Variants in UBE2E2 observed in about 807,000 individuals in gnomAD.
The protein encoded by UBE2E2 is ubiquitin-conjugating enzyme E2 E2.
A neutral mutation model predicts 24.7 loss-of-function variants in UBE2E2; 6 were observed. The ratio of observed to expected loss-of-function variants is 0.24; its 90% CI spans 0.13 to 0.48. The LOEUF (loss-of-function observed/expected upper bound fraction) is 0.48. Among genes scored for constraint, UBE2E2 ranks in the 20% least tolerant of loss-of-function variants. UBE2E2 has a pLI of 0.99. For missense variants in UBE2E2, 169 were observed against 245.0 expected (o/e 0.69, Z 2.07); for synonymous variants, 104 against 83.6 (o/e 1.24, Z -1.33).
chr3:23,348,750 C>T (rs751039041), intron 3 of UBE2E2, among the ~76,000 whole-genome samples: 1 of 152,108 alleles, frequency 6.6e-6, no homozygotes, highest in Non-Finnish European at 1.5e-5. Context: ...ATAGAACTTT[C>T]ACAAAGGCCA....
intron 3 of UBE2E2, among the ~76,000 whole-genome samples, chr3:23,255,637 T>C (rs1028596341): frequency 6.6e-6 from 1 of 152,214 alleles, no homozygotes; most frequent in Admixed American, 6.5e-5. Context: ...AAGTGATCAG[T>C]CTAAGCTCTC....
chr3:23,328,971 T>C (rs1362973582), intron 3 of UBE2E2, among the ~76,000 whole-genome samples: 1 of 152,210 alleles, frequency 6.6e-6, no homozygotes, highest in Non-Finnish European at 1.5e-5. Flanking sequence ...CTAAAATGCC[T>C]TAATCTCGAT....
chr3:23,429,778 A>G (rs76569051), intron 3 of UBE2E2, among the ~76,000 whole-genome samples: 4,399 of 152,310 alleles, frequency 0.029, 109 homozygotes, highest in East Asian at 0.13. Flanking sequence ...ACCGAAAAGA[A>G]TCGACAAGAA....
rs1399152433 is a variant in UBE2E2, at chr3:23,591,624, A to G, written c.*1793A>G. On this transcript the variant is annotated 3_prime_UTR_variant, in exon 6 of 6. Coordinates refer to ENST00000396703, the MANE Select transcript of UBE2E2 (RefSeq NM_152653.4). Reference sequence around the variant, plus strand: ...GTACATAAATGCATTGGGCAGAGCTATATTCCAGTGAAACTTTATTTACCA... The same window carrying G: ...GTACATAAATGCATTGGGCAGAGCTGTATTCCAGTGAAACTTTATTTACCA... 1 of 152,222 alleles carries G rather than the reference A, an allele frequency of 6.6e-6. No individual in the cohort carries two copies. The highest frequency in any genetic ancestry group is 1.5e-5 in the Non-Finnish European group (1 of 68,040). 9.4% of individuals were successfully genotyped at this position (152,222 alleles called of 1,614,324 possible).
intron 3 of UBE2E2, among the ~76,000 whole-genome samples, chr3:23,258,334 A>G (rs1432007274): frequency 1.3e-5 from 2 of 152,234 alleles, no homozygotes; most frequent in Admixed American, 1.3e-4. Flanking sequence ...GAGTCATGGT[A>G]TTGGAAATAG....
chr3:23,246,429 G>T (rs1299554350), intron 3 of UBE2E2, among the ~76,000 whole-genome samples: 1 of 147,032 alleles, frequency 6.8e-6, no homozygotes, highest in Non-Finnish European at 1.5e-5. Flanking sequence ...TAGACACGGG[G>T]TTTCAGTATG....
intron 3 of UBE2E2, among the ~76,000 whole-genome samples, chr3:23,343,395 A>G (rs1004590596): frequency 1.3e-5 from 2 of 152,006 alleles, no homozygotes; most frequent in Admixed American, 1.3e-4. Context: ...GGCCAACATG[A>G]TGAAGCCACA....
chr3:23,571,015 A>G (rs531246202), intron 5 of UBE2E2, among the ~76,000 whole-genome samples: 1 of 152,254 alleles, frequency 6.6e-6, no homozygotes, highest in African/African-American at 2.4e-5. Context: ...TAATAAATGG[A>G]TAATTGGGAC....
intron 3 of UBE2E2, among the ~76,000 whole-genome samples, chr3:23,488,430 CA>C (rs1699426809): frequency 6.6e-6 from 1 of 152,128 alleles, no homozygotes; most frequent in East Asian, 1.9e-4. Flanking sequence ...TCTCATCGTT[CA>C]ACTCCCACTT....
intron 3 of UBE2E2, among the ~76,000 whole-genome samples, chr3:23,395,527 T>C (rs1270220980): frequency 1.3e-5 from 2 of 152,212 alleles, no homozygotes; most frequent in East Asian, 3.8e-4. Flanking sequence ...TTGGGTGAAT[T>C]AGAATATAAT....
At chr3:23,250,436 T>G (rs1483920625) in intron 3 of UBE2E2, among the ~76,000 whole-genome samples, 1 of 152,206 alleles carries the variant, frequency 6.6e-6, no homozygotes, top group Non-Finnish European at 1.5e-5. Context: ...AACATGAGAT[T>G]GGAAAAATGG....
intron 3 of UBE2E2, among the ~76,000 whole-genome samples, chr3:23,294,218 T>C (rs1698845010): frequency 1.3e-5 from 2 of 152,222 alleles, no homozygotes; most frequent in South Asian, 2.1e-4. Flanking sequence ...GGCAGAACTT[T>C]AACGTTATTC....
chr3:23,420,029 A>G (rs542986729), intron 3 of UBE2E2, among the ~76,000 whole-genome samples: 1 of 152,344 alleles, frequency 6.6e-6, no homozygotes, highest in South Asian at 2.1e-4. Context: ...TAAACACAAT[A>G]TATATTTAGG....
chr3:23,354,216 C>G (rs1053477352), intron 3 of UBE2E2, among the ~76,000 whole-genome samples: 4 of 152,046 alleles, frequency 2.6e-5, no homozygotes, highest in Non-Finnish European at 5.9e-5. Flanking sequence ...CCCTTCCTTA[C>G]ACCTTATACA....
At chr3:23,534,708 T>G (rs956275660) in intron 5 of UBE2E2, among the ~76,000 whole-genome samples, 1 of 152,194 alleles carries the variant, frequency 6.6e-6, no homozygotes, top group Admixed American at 6.5e-5. Context: ...TGGTACACTT[T>G]CAATCTCTGT....
At chr3:23,340,368 A>G (rs1160273005) in intron 3 of UBE2E2, among the ~76,000 whole-genome samples, 1 of 152,084 alleles carries the variant, frequency 6.6e-6, no homozygotes. Context: ...ACTATGCACT[A>G]TATTTTTTTC....
Position 23,292,013 on chromosome 3 carries a change from C to T in UBE2E2, c.227+74701C>T, listed in dbSNP as rs571296436. Among the ~76,000 whole-genome samples, 17 of 152,094 alleles carry T rather than the reference C, an allele frequency of 1.1e-4. No individual in the cohort carries two copies. The East Asian group carries it at 1.4e-3, about 12-fold the overall frequency. ...AGCTGGGACTACAGGCGCCCGCCAC[C>T]GCACCCGGCTAATTTTTTGTATTTT... On this transcript the variant is annotated intron_variant, in intron 3 of 5. Coordinates refer to ENST00000396703, the MANE Select transcript of UBE2E2 (RefSeq NM_152653.4).
At chr3:23,302,864 C>G (rs571183745) in intron 3 of UBE2E2, among the ~76,000 whole-genome samples, 1 of 152,298 alleles carries the variant, frequency 6.6e-6, no homozygotes, top group Admixed American at 6.5e-5. Flanking sequence ...GATCCCTGTT[C>G]TAGAGTAGTA....
intron 3 of UBE2E2, among the ~76,000 whole-genome samples, chr3:23,370,114 C>T (rs1696365570): frequency 6.6e-6 from 1 of 152,154 alleles, no homozygotes; most frequent in Admixed American, 6.6e-5. Context: ...GTTTCCCCAT[C>T]CTTTTACCAT....
Sources: allele counts gnomAD v4.1 joint callset (sites outside exome capture counted in the v4.1 genomes callset), GRCh38; gene constraint gnomAD v4.1.1; transcripts MANE v1.5; gene names NCBI Gene and HGNC (gene_info 2026-07-23, HGNC 2026-07-21).